The following PPP2R2B variants were observed in gnomAD, a reference collection of about 807,000 sequenced individuals.
The protein encoded by PPP2R2B is protein phosphatase 2 regulatory subunit Bbeta.
Under a neutral mutation model 46.0 loss-of-function variants are expected in PPP2R2B, and 5 were observed. That is an observed-to-expected ratio of 0.11 (90% confidence interval 0.06 to 0.23). The LOEUF (loss-of-function observed/expected upper bound fraction) is 0.23, where lower values mean the gene tolerates loss of function less well. PPP2R2B is among the 10% of genes least tolerant of loss of function. PPP2R2B has a pLI of 1.00. For missense variants in PPP2R2B, 367 were observed against 575.0 expected (o/e 0.64, Z 3.70); for synonymous variants, 215 against 206.7 (o/e 1.04, Z -0.34).
chr5:146,670,325 G>C (rs1045045727), intron 5 of PPP2R2B, among the ~76,000 whole-genome samples: 20 of 152,120 alleles, frequency 1.3e-4, no homozygotes, highest in Admixed American at 1.1e-3. Context: ...TACAGACTTC[G>C]AGATGAACTC....
At chr5:146,987,493 G>A (rs1753486295) in intron 1 of PPP2R2B, among the ~76,000 whole-genome samples, 1 of 152,022 alleles carries the variant, frequency 6.6e-6, no homozygotes, top group East Asian at 1.9e-4. Context: ...GGGATAAGAT[G>A]AGTTAAAGAG....
At chr5:146,706,219 G>GA (rs1160469133) in intron 2 of PPP2R2B, among the ~76,000 whole-genome samples, 1 of 152,190 alleles carries the variant, frequency 6.6e-6, no homozygotes, top group African/African-American at 2.4e-5. Context: ...ACTTGAGCAG[G>GA]AAATCAGAGG....
At chr5:146,671,681 C>A (rs1027360318) in intron 5 of PPP2R2B, among the ~76,000 whole-genome samples, 12 of 152,180 alleles carry the variant, frequency 7.9e-5, no homozygotes, top group African/African-American at 2.7e-4. Flanking sequence ...AACTGAGGCA[C>A]AGCTGTAAAA....
intron 2 of PPP2R2B, among the ~76,000 whole-genome samples, chr5:147,066,810 G>A (rs1213012685): frequency 6.6e-6 from 1 of 152,078 alleles, no homozygotes; most frequent in African/African-American, 2.4e-5. Flanking sequence ...CAGTTTCTGA[G>A]GAAGGCTTTA....
intron 1 of PPP2R2B, among the ~76,000 whole-genome samples, chr5:146,956,980 G>A (rs1278084694): frequency 1.3e-5 from 2 of 152,126 alleles, no homozygotes; most frequent in Non-Finnish European, 2.9e-5. Context: ...TCGCTTGGGG[G>A]TTAAGATTTC....
chr5:146,726,709 C>T (rs1276245171), intron 2 of PPP2R2B, among the ~76,000 whole-genome samples: 1 of 152,204 alleles, frequency 6.6e-6, no homozygotes, highest in African/African-American at 2.4e-5. Context: ...CAAAACCATT[C>T]TGAATCTCAG....
At chr5:146,826,057 C>G (rs947750335) in intron 2 of PPP2R2B, among the ~76,000 whole-genome samples, 1 of 152,086 alleles carries the variant, frequency 6.6e-6, no homozygotes, top group Non-Finnish European at 1.5e-5. Flanking sequence ...AATTTATATC[C>G]GGTAAATAAT....
intron 1 of PPP2R2B, chr5:147,054,703 G>A (rs1190743055): frequency 1.3e-5 from 6 of 456,004 alleles, no homozygotes; most frequent in East Asian, 6.9e-5. Flanking sequence ...CAGGCTGGTC[G>A]CCAGCTCAGT....
intron 7 of PPP2R2B, among the ~76,000 whole-genome samples, chr5:146,617,498 T>C (rs187129387): frequency 1.3e-5 from 2 of 152,238 alleles, no homozygotes; most frequent in East Asian, 1.9e-4. Context: ...TCTGTACCCA[T>C]AAAAAGACGT....
rs1007531340 is a variant in PPP2R2B at position 146,738,921 on chromosome 5, G to A, written c.71-37779C>T. Among the ~76,000 whole-genome samples the A allele has an allele frequency of 2.0e-5, 3 of 152,152 alleles. No homozygotes were observed. In the East Asian group the frequency reaches 5.8e-4, roughly 29 times the overall value. ...TGTGAATATGATAGTCCCTGCCATT[G>A]AGGATATTACTGTCTGGTGAGGGAC... On this transcript the variant is annotated intron_variant, in intron 2 of 9. Transcript: ENST00000394411.
In PPP2R2B at chr5:146,746,503, G is replaced by A. The variant is rs574786157; in HGVS notation, c.71-45361C>T. ...CATATTCCAGAGGAGAAAGGAACAG[G>A]AGGATGAGCAGATCAATTTAGCTCT... On this transcript the variant is annotated intron_variant, in intron 2 of 9. Coordinates refer to ENST00000394411, the MANE Select transcript of PPP2R2B (RefSeq NM_181675.4). Among the ~76,000 whole-genome samples the A allele has an allele frequency of 1.2e-4, 18 of 152,314 alleles. No homozygotes were observed. The South Asian group carries it at 3.5e-3, about 30-fold the overall frequency.
In PPP2R2B at chr5:146,658,050, C is replaced by T. The variant is rs374168629; in HGVS notation, c.448-7326G>A. ...CTGAGAAGTTGCCACACAGAGTATC[C>T]TTGAGAAGCTTAGAGGAGGTAGGCA... is the stretch of plus-strand genomic sequence containing the variant. On this transcript the variant is annotated intron_variant, in intron 5 of 9. Transcript: ENST00000394411. Among the ~76,000 whole-genome samples the T allele has an allele frequency of 5.7e-4, 87 of 152,262 alleles. 1 individual carries two copies. In the South Asian group the frequency reaches 0.017, roughly 30 times the overall value.
At chr5:147,012,253 G>A (rs1488171116) in intron 1 of PPP2R2B, among the ~76,000 whole-genome samples, 5 of 152,106 alleles carry the variant, frequency 3.3e-5, no homozygotes, top group East Asian at 1.9e-4. Flanking sequence ...CCACAATTTC[G>A]GATCCTGTTA....
rs540754188 is a variant in PPP2R2B, at chr5:146,791,906, T to G, written c.70+86096A>C. Reference sequence around the variant, plus strand: ...AGAGGTGCTGATTCCTCCCGCCACATGAGAGTGAGGCCCTAATTGGCCTAA... The same window carrying G: ...AGAGGTGCTGATTCCTCCCGCCACAGGAGAGTGAGGCCCTAATTGGCCTAA... On this transcript the variant is annotated intron_variant, in intron 2 of 9. Transcript: ENST00000394411. Among the ~76,000 whole-genome samples the G allele has an allele frequency of 1.5e-3, 234 of 152,302 alleles. 2 individuals are homozygous for G. The highest frequency in any genetic ancestry group is 2.8e-3 in the Non-Finnish European group (189 of 68,024).
intron 1 of PPP2R2B, among the ~76,000 whole-genome samples, chr5:146,965,624 C>T (rs570366935): frequency 6.6e-6 from 1 of 152,296 alleles, no homozygotes; most frequent in East Asian, 1.9e-4. Context: ...GTGTCGCTGG[C>T]CCCGCTTGCT....
At chr5:146,849,020 A>G (rs575033948) in intron 2 of PPP2R2B, among the ~76,000 whole-genome samples, 1 of 151,978 alleles carries the variant, frequency 6.6e-6, no homozygotes, top group South Asian at 2.1e-4. Flanking sequence ...TACCTCCATC[A>G]GTGCAGGCTT....
intron 1 of PPP2R2B, among the ~76,000 whole-genome samples, chr5:146,915,411 C>T (rs189360327): frequency 6.6e-6 from 1 of 151,708 alleles, no homozygotes; most frequent in East Asian, 1.9e-4. Context: ...TCTTCCCCTC[C>T]TACTCAATAA....
chr5:146,718,261 G>A (rs973453752), intron 2 of PPP2R2B, among the ~76,000 whole-genome samples: 7 of 151,906 alleles, frequency 4.6e-5, no homozygotes, highest in African/African-American at 9.7e-5. Flanking sequence ...GGTGGCACAC[G>A]CCTATAGTCT....
chr5:146,809,547 G>A (rs1463611966), intron 2 of PPP2R2B, among the ~76,000 whole-genome samples: 1 of 152,106 alleles, frequency 6.6e-6, no homozygotes, highest in African/African-American at 2.4e-5. Context: ...AGAGGGAGTG[G>A]TCAGAGAAGA....
Sources: allele counts gnomAD v4.1 joint callset (sites outside exome capture counted in the v4.1 genomes callset), GRCh38; gene constraint gnomAD v4.1.1; transcripts MANE v1.5; gene names NCBI Gene and HGNC (gene_info 2026-07-23, HGNC 2026-07-21).